PLCH1: variants seen among roughly 807,000 people sequenced by gnomAD.
PLCH1 encodes phospholipase C eta 1, also known as 1-phosphatidylinositol 4,5-bisphosphate phosphodiesterase eta-1.
PLCH1 carries 60 observed loss-of-function variants against 126.7 expected under a neutral mutation model. The observed-to-expected ratio is 0.47, with a 90% confidence interval of 0.38 to 0.59. The LOEUF is 0.59. Among genes scored for constraint, PLCH1 ranks in the 20% least tolerant of loss-of-function variants. The probability of loss-of-function intolerance (pLI) is 0.00; values close to 1 mark genes in which losing one functional copy is unlikely to be tolerated. For synonymous variants in PLCH1, 719 were observed against 734.9 expected (o/e 0.98, Z 0.35); for missense variants, 1,723 against 2,040.0 (o/e 0.84, Z 2.99).
intron 2 of PLCH1, among the ~76,000 whole-genome samples, chr3:155,639,478 G>A (rs1015869489): frequency 1.3e-5 from 2 of 151,952 alleles, no homozygotes; most frequent in Non-Finnish European, 2.9e-5. Flanking sequence ...AAATAAATAA[G>A]CAATGTATAT....
intron 6 of PLCH1, among the ~76,000 whole-genome samples, chr3:155,573,936 T>TA (rs1462777191): frequency 3.9e-5 from 6 of 152,012 alleles, no homozygotes; most frequent in Admixed American, 1.3e-4. Context: ...TTTTTTTAGA[T>TA]AGAGTCTCAC....
At chr3:155,595,809 A>T (rs1394034366) in intron 3 of PLCH1, among the ~76,000 whole-genome samples, 1 of 152,168 alleles carries the variant, frequency 6.6e-6, no homozygotes, top group Non-Finnish European at 1.5e-5. Flanking sequence ...TAGGAGTCAC[A>T]TCAAAATGAC....
At chr3:155,495,611 A>G (rs920975568) in intron 15 of PLCH1, among the ~76,000 whole-genome samples, 1 of 152,212 alleles carries the variant, frequency 6.6e-6, no homozygotes, top group Non-Finnish European at 1.5e-5. Flanking sequence ...TCGCTTTGCC[A>G]GCTGGGCCTG....
At chr3:155,683,559 G>A (rs1229177157) in intron 2 of PLCH1, among the ~76,000 whole-genome samples, 1 of 152,102 alleles carries the variant, frequency 6.6e-6, no homozygotes, top group Non-Finnish European at 1.5e-5. Flanking sequence ...GTAAAATTCT[G>A]ATTGACATTT....
chr3:155,619,498 T>TTAAAA lies in PLCH1; in HGVS notation c.80-23121_80-23120insTTTTA, dbSNP rs200522384. 2.5e-3 allele frequency among the ~76,000 whole-genome samples: 330 copies of TTAAAA among 133,526 alleles called. 3 individuals are homozygous for TTAAAA. Among genetic ancestry groups the TTAAAA allele is most frequent in the South Asian group, 0.012 (51 of 4,402 alleles). 87.6% of individuals were successfully genotyped at this position (133,526 alleles called of 152,430 possible). ...TTTTTCAAAACAAAAACAGAAAAAGTAAAAAAAAAAAAAAAGAAGAAAAAG... is the reference window on the plus strand; with the variant it reads ...TTTTTCAAAACAAAAACAGAAAAAGTTAAAAAAAAAAAAAAAAAAAGAAGAAAAAG... On this transcript the variant is annotated intron_variant, in intron 2 of 22. Transcript: ENST00000460012.
chr3:155,512,337 T>C (rs990739286), intron 12 of PLCH1, among the ~76,000 whole-genome samples: 1 of 152,134 alleles, frequency 6.6e-6, no homozygotes, highest in Non-Finnish European at 1.5e-5. Context: ...GGCATATACA[T>C]AACGACAAGA....
chr3:155,617,223 G>C (rs903067613), intron 2 of PLCH1, among the ~76,000 whole-genome samples: 1 of 152,076 alleles, frequency 6.6e-6, no homozygotes, highest in African/African-American at 2.4e-5. Flanking sequence ...TGTCCTGTTT[G>C]ATCCTTTTCA....
chr3:155,549,665 A>T, intron 10 of PLCH1, 122 bp downstream of exon 10: 1 of 703,070 alleles, frequency 1.4e-6, no homozygotes, highest in Non-Finnish European at 2.4e-6. Flanking sequence ...ACATAGATCT[A>T]GACAATCCTT....
chr3:155,662,478 A>C (rs1462202183), intron 2 of PLCH1, among the ~76,000 whole-genome samples: 1 of 152,008 alleles, frequency 6.6e-6, no homozygotes, highest in East Asian at 1.9e-4. Flanking sequence ...AAAAAAAATT[A>C]AAAATAAAAA....
rs1382604120 is a variant in PLCH1, at chr3:155,509,140, G to A, written c.1633-4514C>T. On this transcript the variant is annotated intron_variant, in intron 12 of 22. Transcript: ENST00000460012. The stretch of plus-strand genomic sequence containing the variant: ...CTTCTAGATTTTCTAGTTTATTTGC[G>A]TAGAGGTGTTTGTAGTATTCTCTTA... Among the ~76,000 whole-genome samples, 22 of 141,118 alleles carry A rather than the reference G, an allele frequency of 1.6e-4. 3 individuals carry two copies. Among genetic ancestry groups the A allele is most frequent in the African/African-American group, 2.4e-4 (8 of 34,010 alleles). 92.6% of individuals were successfully genotyped at this position (141,118 alleles called of 152,430 possible).
At chr3:155,523,387 G>T (rs1485683747) in intron 11 of PLCH1, among the ~76,000 whole-genome samples, 1 of 152,170 alleles carries the variant, frequency 6.6e-6, no homozygotes, top group Non-Finnish European at 1.5e-5. Flanking sequence ...ACAAATTAAA[G>T]ATTTAGCCAA....
intron 1 of PLCH1, among the ~76,000 whole-genome samples, chr3:155,740,847 C>A (rs1312683671): frequency 3.3e-5 from 5 of 152,140 alleles, no homozygotes; most frequent in African/African-American, 9.7e-5. Context: ...AATCATTTAG[C>A]AACTTTGGGC....
At chr3:155,506,070 G>T (rs1231386783) in intron 12 of PLCH1, among the ~76,000 whole-genome samples, 2 of 151,874 alleles carry the variant, frequency 1.3e-5, no homozygotes, top group Non-Finnish European at 2.9e-5. Flanking sequence ...GGCAAATTGA[G>T]GTATATGGTC....
rs116680937 is a variant in PLCH1, at chr3:155,549,987, C to T, written c.1191-29G>A. ...AGAAAAGAGCAACACAGTCCAGAGG[C>T]GTCAGGTGCAGGCAACTCACAGGGA... On this transcript the variant is annotated intron_variant, in intron 9 of 22. Transcript: ENST00000460012. The T allele has an allele frequency of 4.5e-5, 71 of 1,583,790 alleles. No homozygotes were observed. The African/African-American group carries it at 9.3e-4, about 21-fold the overall frequency.
chr3:155,488,388 G>T lies in PLCH1; in HGVS notation c.2539+272C>A, dbSNP rs1319735586. ...AATTTTTTATTTTTAGTAGGGACGGGGTTTCTCCATGTTGGTCAGGCTGGT... is the reference window on the plus strand; with the variant it reads ...AATTTTTTATTTTTAGTAGGGACGGTGTTTCTCCATGTTGGTCAGGCTGGT... On this transcript the variant is annotated intron_variant, in intron 20 of 22. Coordinates refer to ENST00000460012, the MANE Select transcript of PLCH1 (RefSeq NM_014996.4). Among the ~76,000 whole-genome samples, 6 of 151,940 alleles carry T rather than the reference G, an allele frequency of 3.9e-5. No homozygotes were observed. The East Asian group carries it at 1.2e-3, about 29-fold the overall frequency.
At chr3:155,577,153 A>T (rs1577054722) in intron 6 of PLCH1, among the ~76,000 whole-genome samples, 1 of 152,134 alleles carries the variant, frequency 6.6e-6, no homozygotes, top group East Asian at 1.9e-4. Context: ...CCAACTACTC[A>T]GGAGGCTGAG....
rs139143913 is a variant in PLCH1, at chr3:155,704,034, C to T, written c.79+112G>A. On this transcript the variant is annotated intron_variant, in intron 2 of 22. Coordinates refer to ENST00000460012, the MANE Select transcript of PLCH1 (RefSeq NM_014996.4). ...TTATTCATAAACAAGTTAACTCAAG[C>T]TCTTGGTTCCATCCAACAATTATAC... The T allele has an allele frequency of 1.1e-3, 492 of 434,080 alleles. 3 individuals carry two copies. Among genetic ancestry groups the T allele is most frequent in the African/African-American group, 9.3e-3 (461 of 49,380 alleles). 26.9% of individuals were successfully genotyped at this position (434,080 alleles called of 1,614,324 possible). A position where few individuals can be genotyped will look rare whatever the true frequency, so the allele number is the denominator to read the frequency against.
At chr3:155,475,235 A>G (rs951964550), downstream of PLCH1, among the ~76,000 whole-genome samples, 1 of 152,084 alleles carries the variant, frequency 6.6e-6, no homozygotes, top group Non-Finnish European at 1.5e-5. Flanking sequence ...AAAAGAAATT[A>G]AGAAGAAAAT....
intron 2 of PLCH1, among the ~76,000 whole-genome samples, chr3:155,614,753 C>A (rs932499802): frequency 3.3e-5 from 5 of 152,266 alleles, no homozygotes; most frequent in Non-Finnish European, 7.4e-5. Context: ...GAAACTGGAT[C>A]CTCATTTCTC....
Sources: gnomAD v4.1 joint callset for allele counts (sites outside exome capture counted in the v4.1 genomes callset) on GRCh38, gnomAD v4.1.1 for gene constraint, MANE v1.5 for transcripts, NCBI Gene and HGNC (gene_info 2026-07-23, HGNC 2026-07-21) for gene names.